CDCA8: variants seen among roughly 807,000 people sequenced by gnomAD.
The protein encoded by CDCA8 is borealin.
A neutral mutation model predicts 40.0 loss-of-function variants in CDCA8; 25 were observed. The observed-to-expected ratio is 0.63, with a 90% CI of 0.46 to 0.87. The LOEUF (loss-of-function observed/expected upper bound fraction) is 0.87, where lower values mean the gene tolerates loss of function less well. Ranked by LOEUF, CDCA8 falls within the 40% of genes least tolerant of loss-of-function variation. The probability of loss-of-function intolerance (pLI) is 0.00; values close to 1 mark genes in which losing one functional copy is unlikely to be tolerated. For missense variants in CDCA8, 280 were observed against 348.4 expected (o/e 0.80, Z 1.56); for synonymous variants, 111 against 126.5 (o/e 0.88, Z 0.82).
chr1:37,705,810 GT>G (rs35363414), intron 8 of CDCA8, among the ~76,000 whole-genome samples: 21,301 of 128,860 alleles, frequency 0.17, 1,507 homozygotes, highest in African/African-American at 0.21. Flanking sequence ...TTTTTTGTGG[GT>G]TTTTTTTTTT....
At position 37,705,510 on chromosome 1, in the gene CDCA8, C is replaced by CA. The variant is rs1381467958; in HGVS notation, c.655dup (p.Ser219LysfsTer5). On this transcript the variant is annotated frameshift_variant, in exon 8 of 10. Transcript: ENST00000373055. LOFTEE classifies it high-confidence loss of function. The stretch of plus-strand genomic sequence containing the variant: ...GGATTTACAACATCTCAGGGAATGG[C>CA]AGCCCTCTTGCTGACAGCAAAGAGA... 6.2e-7 allele frequency: 1 copy of CA among 1,613,930 alleles called. No individual in the cohort carries two copies. The highest frequency in any genetic ancestry group is 8.5e-7 in the Non-Finnish European group (1 of 1,180,006).
chr1:37,701,710 G>C, intron 5 of CDCA8, 44 bp from the exon 6 acceptor site: 1 of 1,308,922 alleles, frequency 7.6e-7, no homozygotes, highest in Non-Finnish European at 1.1e-6. Flanking sequence ...CTTCCTCTTT[G>C]CTGGGTTTTT....
chr1:37,693,028 A>T lies in CDCA8; in HGVS notation c.218A>T (p.Tyr73Phe). The change falls in exon 2 of 10, where the codon TAC (tyrosine) becomes TTC (phenylalanine). Residue 73 changes from tyrosine to phenylalanine, a missense_variant. By Grantham distance (22) the Tyr-to-Phe change is conservative (BLOSUM62 3). Coordinates refer to ENST00000373055, the MANE Select transcript of CDCA8 (RefSeq NM_001256875.2). ...KALREMNWLDYFALGGNKQAL... is the reference protein window; with the variant it reads ...KALREMNWLDFFALGGNKQAL... ...CTGCGCGAGATGAACTGGCTTGACTACTTCGGTAAGAGCTGGAGAGCTTCC... is the reference window on the plus strand; with the variant it reads ...CTGCGCGAGATGAACTGGCTTGACTTCTTCGGTAAGAGCTGGAGAGCTTCC... 6.2e-7 allele frequency: 1 copy of T among 1,613,892 alleles called. No homozygotes were observed. The highest frequency in any genetic ancestry group is 8.5e-7 in the Non-Finnish European group (1 of 1,179,924).
chr1:37,695,160 G>A (rs997459160), intron 2 of CDCA8, among the ~76,000 whole-genome samples: 2 of 151,702 alleles, frequency 1.3e-5, no homozygotes, highest in African/African-American at 4.8e-5. Context: ...AGACCAGCCT[G>A]GGCAACATAA....
chr1:37,695,434 A>C (rs1645520504), intron 2 of CDCA8, among the ~76,000 whole-genome samples: 1 of 151,138 alleles, frequency 6.6e-6, no homozygotes, highest in Non-Finnish European at 1.5e-5. Flanking sequence ...TCTACAAAAA[A>C]ACACAAAAAT....
Position 37,708,627 on chromosome 1 carries a change from T to G in CDCA8, c.*261T>G, listed in dbSNP as rs371044448. 8.4e-4 allele frequency: 439 copies of G among 522,656 alleles called. 5 individuals carry two copies. In the South Asian group the frequency reaches 9.2e-3, roughly 11 times the overall value. 32.4% of individuals were successfully genotyped at this position (522,656 alleles called of 1,614,324 possible). ...TCCCATCAGTCTCCCAGCTGAATCC[T>G]CCCTGCTCTCTGAGCTGCTGCCTTT... is the stretch of plus-strand genomic sequence containing the variant. On this transcript the variant is annotated 3_prime_UTR_variant, in exon 10 of 10. Transcript: ENST00000373055.
chr1:37,702,596 A>C (rs1337310187), intron 6 of CDCA8, among the ~76,000 whole-genome samples: 1 of 152,172 alleles, frequency 6.6e-6, no homozygotes, highest in East Asian at 1.9e-4. Context: ...GCTGCCTGGC[A>C]CAAGGACAGA....
At chr1:37,694,400 A>G (rs1416280619) in intron 2 of CDCA8, among the ~76,000 whole-genome samples, 1 of 152,206 alleles carries the variant, frequency 6.6e-6, no homozygotes, top group African/African-American at 2.4e-5. Context: ...TATTTCTCCA[A>G]ATACTGAGCA....
chr1:37,701,596 A>G (rs539142934), intron 5 of CDCA8, among the ~76,000 whole-genome samples, 158 bp from the exon 6 acceptor site: 1 of 151,922 alleles, frequency 6.6e-6, no homozygotes. Context: ...TATGTTCTGA[A>G]CTTTTTAAGT....
chr1:37,708,469 G>A lies in CDCA8; in HGVS notation c.*103G>A. ...GTTTGAGTGTGAAGTTCCAGAGCAA[G>A]GAGCCATGTTCCTCTAAGGGAATTC... On this transcript the variant is annotated 3_prime_UTR_variant, in exon 10 of 10. Transcript: ENST00000373055. 8.9e-7 allele frequency: 1 copy of A among 1,126,352 alleles called. No individual in the cohort carries two copies. Among genetic ancestry groups the A allele is most frequent in the Non-Finnish European group, 1.3e-6 (1 of 741,986 alleles). The allele number at this position is 1,126,352 out of a possible 1,614,324, so 69.8% of individuals were successfully genotyped here.
intron 2 of CDCA8, 97 bp from the exon 3 acceptor site, chr1:37,695,813 A>G: frequency 9.4e-7 from 1 of 1,068,312 alleles, no homozygotes; most frequent in Admixed American, 2.0e-5. Flanking sequence ...TGAAGGTTAG[A>G]CCAAGGGCTG....
At chr1:37,692,838 T>A (rs1011424052) in intron 1 of CDCA8, 54 bp downstream of exon 1, 3 of 1,608,602 alleles carry the variant, frequency 1.9e-6, no homozygotes, top group Non-Finnish European at 2.5e-6. Flanking sequence ...TGCTGGCGGG[T>A]GGGGACACGA....
At position 37,692,746 on chromosome 1, in the gene CDCA8, G is replaced by A. The variant is rs543224748; in HGVS notation, c.56G>A (p.Arg19Gln). 6.2e-7 allele frequency: 1 copy of A among 1,613,486 alleles called. No homozygotes were observed. The highest frequency in any genetic ancestry group is 1.3e-5 in the African/African-American group (1 of 75,046). Residue 19 changes from arginine to glutamine, a missense_variant, in exon 1 of 10, where the codon CGG (arginine) becomes CAG (glutamine). By Grantham distance (43) the Arg-to-Gln change is conservative (BLOSUM62 1). Coordinates refer to ENST00000373055, the MANE Select transcript of CDCA8 (RefSeq NM_001256875.2). The stretch of plus-strand genomic sequence containing the variant: ...GCCAAGACCAACTCCTTACGGAGGC[G>A]GAAGCTCGCCTCCTTTCTGAAAGAC... ...RVAKTNSLRR[R>Q]KLASFLKDFD...
At chr1:37,708,248 C>A in intron 9 of CDCA8, 74 bp from the exon 10 acceptor site, 2 of 1,332,736 alleles carry the variant, frequency 1.5e-6, no homozygotes, top group Non-Finnish European at 1.1e-6. Flanking sequence ...GGGGCTCAGG[C>A]TGACTGTGGG....
chr1:37,708,254 G>A, intron 9 of CDCA8, 68 bp from the exon 10 acceptor site: 1 of 1,407,544 alleles, frequency 7.1e-7, no homozygotes, highest in Non-Finnish European at 1.0e-6. Context: ...CAGGCTGACT[G>A]TGGGAGGCCA....
At chr1:37,693,134 T>C (rs1645485637) in intron 2 of CDCA8, 101 bp downstream of exon 2, 1 of 954,912 alleles carries the variant, frequency 1.0e-6, no homozygotes, top group South Asian at 1.6e-5. Context: ...TTTAATGAGA[T>C]CTGACATGAC....
chr1:37,708,953 T>C lies in CDCA8; in HGVS notation c.*587T>C. On this transcript the variant is annotated 3_prime_UTR_variant, in exon 10 of 10. Coordinates refer to ENST00000373055, the MANE Select transcript of CDCA8 (RefSeq NM_001256875.2). ...TCTACCCTCTCGCACTCATGACACC[T>C]CCCCCTACCAGCCCTCCTCTTCCTC... 6.5e-6 allele frequency: 1 copy of C among 154,726 alleles called. No individual in the cohort carries two copies. The highest frequency in any genetic ancestry group is 1.4e-5 in the Non-Finnish European group (1 of 69,824). 9.6% of individuals were successfully genotyped at this position (154,726 alleles called of 1,614,324 possible). A position where few individuals can be genotyped will look rare whatever the true frequency, so the allele number is the denominator to read the frequency against.
intron 3 of CDCA8, 30 bp from the exon 4 acceptor site, chr1:37,698,875 C>G: frequency 6.5e-7 from 1 of 1,526,912 alleles, no homozygotes; most frequent in Non-Finnish European, 9.1e-7. Flanking sequence ...GTGGAATAAG[C>G]CTGGTGCTTT....
chr1:37,698,694 G>T (rs968139769), intron 3 of CDCA8, among the ~76,000 whole-genome samples: 8 of 152,214 alleles, frequency 5.3e-5, no homozygotes, highest in African/African-American at 1.7e-4. Context: ...AACAAGGAAT[G>T]AATACAGAGC....
Sources: allele counts gnomAD v4.1 joint callset (sites outside exome capture counted in the v4.1 genomes callset), GRCh38; gene constraint gnomAD v4.1.1; transcripts MANE v1.5; gene names NCBI Gene and HGNC (gene_info 2026-07-23, HGNC 2026-07-21).